The following CHN1 variants were observed in gnomAD, a reference collection of about 807,000 sequenced individuals.
CHN1 encodes the protein N-chimaerin.
CHN1 carries 37 observed loss-of-function variants against 59.5 expected under a neutral mutation model. The ratio of observed to expected loss-of-function variants is 0.62; its 90% confidence interval spans 0.48 to 0.82. CHN1 has a LOEUF of 0.82. Among genes scored for constraint, CHN1 ranks in the 40% least tolerant of loss-of-function variants. The pLI, the probability that CHN1 is intolerant of heterozygous loss-of-function variation, is 0.00. For synonymous variants in CHN1, 206 were observed against 200.4 expected (o/e 1.03, Z -0.24); for missense variants, 469 against 571.0 (o/e 0.82, Z 1.82).
chr2:174,998,604 G>A (rs1691788472), intron 1 of CHN1, among the ~76,000 whole-genome samples: 1 of 152,158 alleles, frequency 6.6e-6, no homozygotes, highest in Non-Finnish European at 1.5e-5. Context: ...AAACAATGAG[G>A]TGGCTCTATG....
Position 175,004,964 on chromosome 2 carries a change from C to T in CHN1, c.-52G>A, listed in dbSNP as rs1692016601. Reference sequence around the variant, plus strand: ...AGTCCAGGCGCTCCTCCCAGGCGGGCTAGGGATCACCTCATCAGCCCGCCG... The same window carrying T: ...AGTCCAGGCGCTCCTCCCAGGCGGGTTAGGGATCACCTCATCAGCCCGCCG... On this transcript the variant is annotated 5_prime_UTR_variant, in exon 1 of 13. Transcript: ENST00000409900. 18 of 1,516,486 alleles carry T rather than the reference C, an allele frequency of 1.2e-5. No individual in the cohort carries two copies. Among genetic ancestry groups the T allele is most frequent in the Admixed American group, 2.1e-5 (1 of 48,634 alleles). 93.9% of individuals were successfully genotyped at this position (1,516,486 alleles called of 1,614,324 possible).
chr2:174,910,098 T>C (rs1688647736), intron 5 of CHN1, among the ~76,000 whole-genome samples: 1 of 152,354 alleles, frequency 6.6e-6, no homozygotes, highest in African/African-American at 2.4e-5. Flanking sequence ...TTCCTTATTC[T>C]CTCTGATTTT....
intron 9 of CHN1, among the ~76,000 whole-genome samples, 151 bp from the exon 10 acceptor site, chr2:174,811,739 T>C (rs1379009050): frequency 2.0e-5 from 3 of 152,238 alleles, no homozygotes; most frequent in Non-Finnish European, 4.4e-5. Context: ...ATAAAACGAT[T>C]TCACACACAG....
chr2:174,943,537 T>TA, intron 3 of CHN1, among the ~76,000 whole-genome samples: 1 of 152,236 alleles, frequency 6.6e-6, no homozygotes, highest in African/African-American at 2.4e-5. Context: ...GTTTGCTTTT[T>TA]AAAAATCATT....
chr2:174,934,487 G>A (rs951020221), intron 3 of CHN1, among the ~76,000 whole-genome samples: 1 of 152,180 alleles, frequency 6.6e-6, no homozygotes, highest in Non-Finnish European at 1.5e-5. Flanking sequence ...ACCTCCTGCT[G>A]TGCGGCCCAG....
intron 1 of CHN1, among the ~76,000 whole-genome samples, chr2:174,986,010 G>A (rs1261383411): frequency 6.6e-6 from 1 of 152,044 alleles, no homozygotes; most frequent in Non-Finnish European, 1.5e-5. Context: ...TAAATTAAAA[G>A]GTTAATTTTC....
intron 8 of CHN1, among the ~76,000 whole-genome samples, chr2:174,820,253 T>C (rs897745092): frequency 6.6e-6 from 1 of 152,136 alleles, no homozygotes; most frequent in Admixed American, 6.5e-5. Context: ...CACTGACTTC[T>C]ACAATGGTTG....
At chr2:174,842,710 A>G (rs1161059883) in intron 7 of CHN1, among the ~76,000 whole-genome samples, 1 of 152,234 alleles carries the variant, frequency 6.6e-6, no homozygotes, top group African/African-American at 2.4e-5. Flanking sequence ...CAGACAGCAC[A>G]GTGTCCAGTC....
chr2:174,823,096 C>T (rs1402068405), intron 8 of CHN1, among the ~76,000 whole-genome samples: 1 of 152,074 alleles, frequency 6.6e-6, no homozygotes, highest in Non-Finnish European at 1.5e-5. Context: ...GAATCAGACC[C>T]CAGAAATTTC....
At chr2:174,916,169 G>C (rs1688843001) in intron 4 of CHN1, among the ~76,000 whole-genome samples, 1 of 152,124 alleles carries the variant, frequency 6.6e-6, no homozygotes, top group African/African-American at 2.4e-5. Flanking sequence ...AAGACTAAAA[G>C]TCGACAACAC....
intron 1 of CHN1, among the ~76,000 whole-genome samples, chr2:174,961,116 G>A (rs1027969988): frequency 1.3e-4 from 20 of 150,962 alleles, no homozygotes; most frequent in Non-Finnish European, 2.4e-4. Flanking sequence ...TGACACTGAC[G>A]GAGGGAAGGA....
At chr2:174,818,468 G>C (rs952194193) in intron 8 of CHN1, among the ~76,000 whole-genome samples, 1 of 151,970 alleles carries the variant, frequency 6.6e-6, no homozygotes, top group African/African-American at 2.4e-5. Flanking sequence ...GCTTTATTTG[G>C]TTTTCATACT....
intron 7 of CHN1, among the ~76,000 whole-genome samples, chr2:174,841,652 A>T (rs1181993556): frequency 1.3e-5 from 2 of 152,122 alleles, no homozygotes; most frequent in African/African-American, 4.8e-5. Flanking sequence ...ATTCCACTTA[A>T]TTTCTTTCTT....
chr2:174,824,247 C>G (rs930852295), intron 8 of CHN1, among the ~76,000 whole-genome samples, 187 bp downstream of exon 8: 1 of 152,136 alleles, frequency 6.6e-6, no homozygotes, highest in Admixed American at 6.6e-5. Context: ...CATCAAGTGC[C>G]AGAAGGTTAA....
intron 5 of CHN1, among the ~76,000 whole-genome samples, chr2:174,910,010 C>T (rs1688645800): frequency 6.6e-6 from 1 of 152,214 alleles, no homozygotes; most frequent in Admixed American, 6.5e-5. Context: ...GTCTATACTA[C>T]AACTTCATTT....
intron 1 of CHN1, among the ~76,000 whole-genome samples, chr2:174,983,349 T>G (rs6706258): frequency 0.053 from 8,023 of 152,178 alleles, 759 homozygotes; most frequent in African/African-American, 0.18. Flanking sequence ...TGTTCTTAGG[T>G]TAACATCAGT....
intron 5 of CHN1, among the ~76,000 whole-genome samples, chr2:174,903,544 C>T (rs1017317479): frequency 4.6e-5 from 7 of 151,868 alleles, no homozygotes; most frequent in East Asian, 3.9e-4. Context: ...AAGTATGTCA[C>T]GGTGGGAAAG....
intron 6 of CHN1, among the ~76,000 whole-genome samples, chr2:174,867,377 T>TAA (rs1687254536): frequency 7.0e-6 from 1 of 143,152 alleles, no homozygotes; most frequent in Admixed American, 6.9e-5. Flanking sequence ...AGACTCTGTC[T>TAA]CAAAAAAAAA....
chr2:174,926,714 G>A (rs1203001054), intron 3 of CHN1, among the ~76,000 whole-genome samples: 3 of 151,834 alleles, frequency 2.0e-5, no homozygotes, highest in Non-Finnish European at 4.4e-5. Flanking sequence ...GTGAAAGTCT[G>A]ATCAAAGACT....
Sources: gnomAD v4.1 joint callset for allele counts (sites outside exome capture counted in the v4.1 genomes callset) on GRCh38, gnomAD v4.1.1 for gene constraint, MANE v1.5 for transcripts, NCBI Gene and HGNC (gene_info 2026-07-23, HGNC 2026-07-21) for gene names.